The following FRK variants were observed in gnomAD, a reference collection of about 807,000 sequenced individuals.
FRK encodes the protein fyn related Src family tyrosine kinase, also known as tyrosine-protein kinase FRK.
In FRK, 51 loss-of-function variants were observed where a neutral mutation model predicts 56.4. The ratio of observed to expected loss-of-function variants is 0.90; its 90% CI spans 0.72 to 1.14. The LOEUF is 1.14. Among genes scored for constraint, FRK ranks in the 50% most tolerant of loss-of-function variants. The probability of loss-of-function intolerance (pLI) is 0.00; values close to 1 mark genes in which losing one functional copy is unlikely to be tolerated. For missense variants in FRK, 570 were observed against 601.4 expected (o/e 0.95, Z 0.55); for synonymous variants, 245 against 217.9 (o/e 1.12, Z -1.10).
rs80305773 is a variant in FRK at position 115,943,296 on chromosome 6, A to G, written c.1141-111T>C. 3.7e-3 allele frequency: 2,773 copies of G among 748,368 alleles called. 52 individuals are homozygous for G. In the East Asian group the frequency reaches 0.046, roughly 12 times the overall value. 46.4% of individuals were successfully genotyped at this position (748,368 alleles called of 1,614,324 possible). On this transcript the variant is annotated intron_variant, in intron 6 of 7. Transcript: ENST00000606080. ...AAAATTTAGAGAGAAAAGATTCAAA[A>G]TGAGCTTAGTTCAACTGACAATTAC...
rs1777595620 is a variant in FRK, at chr6:116,060,686, T to C, written c.-375A>G. The C allele has an allele frequency of 5.9e-6, 1 of 170,280 alleles. No individual in the cohort carries two copies. The highest frequency in any genetic ancestry group is 1.3e-5 in the Non-Finnish European group (1 of 79,194). 10.5% of individuals were successfully genotyped at this position (170,280 alleles called of 1,614,324 possible). A position where few individuals can be genotyped will look rare whatever the true frequency, so the allele number is the denominator to read the frequency against. ...GAACAGAATGGTGCCATCTTGCCTT[T>C]TGTCCCAATAAAAAGTTAGCAAGAG... is the stretch of plus-strand genomic sequence containing the variant. On this transcript the variant is annotated 5_prime_UTR_variant, in exon 1 of 8. Transcript: ENST00000606080.
At position 115,941,298 on chromosome 6, in the gene FRK, A is replaced by C. The variant is rs951498365; in HGVS notation, c.*1116T>G. On this transcript the variant is annotated 3_prime_UTR_variant, in exon 8 of 8. Transcript: ENST00000606080. ...CATAAGTGGGAGCTGAACAATGAGA[A>C]CATATGGACACAAGGAGGGGAACAT... 2 of 100,418 alleles carry C rather than the reference A, an allele frequency of 2.0e-5. No homozygotes were observed. Among genetic ancestry groups the C allele is most frequent in the African/African-American group, 3.3e-5 (1 of 30,268 alleles). 6.2% of individuals were successfully genotyped at this position (100,418 alleles called of 1,614,324 possible).
chr6:116,054,455 TTA>T (rs1287186827), intron 1 of FRK, among the ~76,000 whole-genome samples: 2 of 144,494 alleles, frequency 1.4e-5, no homozygotes, highest in Non-Finnish European at 3.0e-5. Context: ...TTATACTATA[TTA>T]TATATAATAT....
At chr6:115,952,736 G>A (rs916966522) in intron 5 of FRK, among the ~76,000 whole-genome samples, 1 of 151,816 alleles carries the variant, frequency 6.6e-6, no homozygotes, top group African/African-American at 2.4e-5. Flanking sequence ...GGAATACTAT[G>A]CAGCCATAAA....
intron 1 of FRK, among the ~76,000 whole-genome samples, chr6:116,059,055 C>T (rs1225366052): frequency 6.6e-6 from 1 of 152,070 alleles, no homozygotes; most frequent in African/African-American, 2.4e-5. Flanking sequence ...TATCCATTGT[C>T]AAGACTATGT....
chr6:116,052,239 T>C (rs1777206639), intron 1 of FRK, among the ~76,000 whole-genome samples: 1 of 152,192 alleles, frequency 6.6e-6, no homozygotes, highest in African/African-American at 2.4e-5. Context: ...CTGGGAATTA[T>C]GCTTTTATGA....
intron 1 of FRK, among the ~76,000 whole-genome samples, chr6:116,025,667 A>C (rs999855770): frequency 6.6e-6 from 1 of 152,178 alleles, no homozygotes; most frequent in Non-Finnish European, 1.5e-5. Context: ...AGCACCCAAC[A>C]TATGTGGTTA....
chr6:115,990,179 C>T (rs1434162193), intron 2 of FRK, among the ~76,000 whole-genome samples: 1 of 151,870 alleles, frequency 6.6e-6, no homozygotes, highest in Admixed American at 6.6e-5. Flanking sequence ...GACATTACTC[C>T]TTTGCTGAAT....
chr6:115,957,338 A>G (rs1025918919), intron 4 of FRK, among the ~76,000 whole-genome samples: 3 of 152,248 alleles, frequency 2.0e-5, no homozygotes, highest in African/African-American at 7.2e-5. Context: ...TCATCATGCA[A>G]GGTGTCAAGT....
At position 116,021,256 on chromosome 6, in the gene FRK, T is replaced by C. The variant is rs532667504; in HGVS notation, c.345-17258A>G. Among the ~76,000 whole-genome samples, 12 of 151,200 alleles carry C rather than the reference T, an allele frequency of 7.9e-5. No homozygotes were observed. The East Asian group carries it at 1.4e-3, about 17-fold the overall frequency. ...GGAAAAACACAAACGTAGACCAGTATAAAAAGAAAAGAAGGGTCACAAAAT... is the reference window on the plus strand; with the variant it reads ...GGAAAAACACAAACGTAGACCAGTACAAAAAGAAAAGAAGGGTCACAAAAT... On this transcript the variant is annotated intron_variant, in intron 1 of 7. Coordinates refer to ENST00000606080, the MANE Select transcript of FRK (RefSeq NM_002031.3).
Position 115,939,334 on chromosome 6 carries a change from C to A in FRK, c.*3080G>T, listed in dbSNP as rs912388401. On this transcript the variant is annotated 3_prime_UTR_variant, in exon 8 of 8. Coordinates refer to ENST00000606080, the MANE Select transcript of FRK (RefSeq NM_002031.3). ...AACTAGGTATTGATGGAACGTAGCT[C>A]AAAAAAAATGACAGATTTAAGACAA... 3 of 151,632 alleles carry A rather than the reference C, an allele frequency of 2.0e-5. No individual in the cohort carries two copies. The South Asian group carries it at 6.2e-4, about 32-fold the overall frequency. The allele number at this position is 151,632 out of a possible 1,614,324, so 9.4% of individuals were successfully genotyped here.
intron 1 of FRK, among the ~76,000 whole-genome samples, chr6:116,053,577 A>G (rs1398809280): frequency 6.6e-6 from 1 of 152,184 alleles, no homozygotes; most frequent in Non-Finnish European, 1.5e-5. Flanking sequence ...ACAAAAGTAA[A>G]CCAATTTGAA....
intron 2 of FRK, among the ~76,000 whole-genome samples, chr6:115,978,404 C>CGAT (rs778515609): frequency 3.3e-5 from 5 of 152,220 alleles, no homozygotes; most frequent in Admixed American, 2.6e-4. Flanking sequence ...AAGAAAAGGA[C>CGAT]GATGACTCCA....
intron 1 of FRK, among the ~76,000 whole-genome samples, chr6:116,056,200 GTTTT>G (rs540554217): frequency 7.5e-6 from 1 of 132,734 alleles, no homozygotes; most frequent in African/African-American, 2.8e-5. Context: ...TGTTCATTTG[GTTTT>G]TTTTTTTTTT....
the FRK span, among the ~76,000 whole-genome samples, chr6:116,075,460 T>G: frequency 1.0e-5 from 1 of 99,916 alleles, no homozygotes; most frequent in African/African-American, 3.6e-5. Flanking sequence ...GCTTAAGAGC[T>G]GGGGGAAAAA....
intron 1 of FRK, among the ~76,000 whole-genome samples, chr6:116,006,320 T>C (rs988342197): frequency 1.2e-4 from 18 of 152,182 alleles, no homozygotes; most frequent in Non-Finnish European, 2.4e-4. Flanking sequence ...ATATTACATA[T>C]AAAACCACAA....
At chr6:116,084,754 G>T in the FRK span, among the ~76,000 whole-genome samples, 336 of 152,314 alleles carry the variant, frequency 2.2e-3, 1 homozygote, top group African/African-American at 7.7e-3. Context: ...CATGGATACA[G>T]GGAAAGGAAT....
chr6:115,976,007 C>T (rs1198198142), intron 2 of FRK, among the ~76,000 whole-genome samples: 2 of 152,062 alleles, frequency 1.3e-5, no homozygotes, highest in Non-Finnish European at 2.9e-5. Flanking sequence ...TGGCAACCCT[C>T]ACATCCAGAG....
At chr6:116,056,577 A>C (rs1027019342) in intron 1 of FRK, among the ~76,000 whole-genome samples, 3 of 152,144 alleles carry the variant, frequency 2.0e-5, no homozygotes, top group Non-Finnish European at 2.9e-5. Flanking sequence ...AATTTTTTAC[A>C]ATTAAAGCAA....
Sources: gnomAD v4.1 joint callset for allele counts (sites outside exome capture counted in the v4.1 genomes callset) on GRCh38, gnomAD v4.1.1 for gene constraint, MANE v1.5 for transcripts, NCBI Gene and HGNC (gene_info 2026-07-23, HGNC 2026-07-21) for gene names.